Variants in ASTN2 observed in about 807,000 individuals in gnomAD.
ASTN2 encodes the protein astrotactin-2.
A neutral mutation model predicts 139.8 loss-of-function variants in ASTN2; 54 were observed. The ratio of observed to expected loss-of-function variants is 0.39; its 90% CI spans 0.31 to 0.48. The LOEUF is 0.48. Among genes scored for constraint, ASTN2 ranks in the 20% least tolerant of loss-of-function variants. ASTN2 has a pLI of 0.95. For synonymous variants in ASTN2, 756 were observed against 719.5 expected (o/e 1.05, Z -0.81); for missense variants, 1,565 against 1,725.1 (o/e 0.91, Z 1.64).
chr9:117,225,986 G>A, intron 2 of ASTN2, among the ~76,000 whole-genome samples: 1 of 152,136 alleles, frequency 6.6e-6, no homozygotes, highest in South Asian at 2.1e-4. Flanking sequence ...GTGGCAACAG[G>A]TAAGTAAGCA....
At chr9:117,005,991 C>T (rs919133328) in intron 7 of ASTN2, among the ~76,000 whole-genome samples, 4 of 152,130 alleles carry the variant, frequency 2.6e-5, no homozygotes, top group African/African-American at 9.7e-5. Flanking sequence ...GTCAGGCAGG[C>T]ATTAACTGCA....
At chr9:116,609,694 T>C (rs1016462753) in intron 19 of ASTN2, among the ~76,000 whole-genome samples, 11 of 151,760 alleles carry the variant, frequency 7.2e-5, no homozygotes, top group African/African-American at 2.7e-4. Flanking sequence ...CATGGGTAAA[T>C]ATATAAAATC....
intron 16 of ASTN2, among the ~76,000 whole-genome samples, chr9:116,693,279 T>G (rs937801897): frequency 1.3e-5 from 2 of 152,224 alleles, no homozygotes; most frequent in Non-Finnish European, 2.9e-5. Context: ...ATAAATTGCC[T>G]GCTTCCCCAC....
intron 5 of ASTN2, among the ~76,000 whole-genome samples, chr9:117,049,220 A>G (rs1228143649): frequency 6.6e-6 from 1 of 151,998 alleles, no homozygotes; most frequent in Non-Finnish European, 1.5e-5. Flanking sequence ...TGCCTCAAAG[A>G]GCTAGTGTAG....
chr9:116,925,864 A>ACC (rs1276510329), intron 10 of ASTN2, among the ~76,000 whole-genome samples: 6 of 38,464 alleles, frequency 1.6e-4, no homozygotes, highest in Non-Finnish European at 5.4e-4. Context: ...ACAACACAAC[A>ACC]CACACACACA....
At chr9:117,016,942 C>T (rs1837731488) in intron 6 of ASTN2, among the ~76,000 whole-genome samples, 1 of 151,306 alleles carries the variant, frequency 6.6e-6, no homozygotes, top group African/African-American at 2.4e-5. Context: ...TTCTGTCTTC[C>T]CTACCTCAGA....
chr9:117,345,299 G>C (rs1829181563), intron 1 of ASTN2, among the ~76,000 whole-genome samples: 2 of 152,104 alleles, frequency 1.3e-5, no homozygotes, highest in South Asian at 4.2e-4. Flanking sequence ...GCCTTCAGTA[G>C]AAAATAAAGA....
intron 7 of ASTN2, among the ~76,000 whole-genome samples, chr9:117,005,244 C>T (rs1443652529): frequency 1.1e-5 from 1 of 93,524 alleles, no homozygotes; most frequent in Non-Finnish European, 2.4e-5. Context: ...GCCACCAAGC[C>T]CAGCTATTTT....
At chr9:116,857,050 A>T (rs1171344740) in intron 11 of ASTN2, among the ~76,000 whole-genome samples, 1 of 152,148 alleles carries the variant, frequency 6.6e-6, no homozygotes, top group Non-Finnish European at 1.5e-5. Context: ...CCTACCAGAT[A>T]GTTTCATTTT....
At chr9:117,100,451 A>T (rs1828949349) in intron 4 of ASTN2, among the ~76,000 whole-genome samples, 1 of 152,238 alleles carries the variant, frequency 6.6e-6, no homozygotes, top group Non-Finnish European at 1.5e-5. Flanking sequence ...AATATGTTGC[A>T]TTTCACTCAG....
intron 3 of ASTN2, among the ~76,000 whole-genome samples, chr9:117,152,875 A>G (rs1454405442): frequency 2.6e-5 from 4 of 152,210 alleles, no homozygotes; most frequent in Non-Finnish European, 5.9e-5. Context: ...CAATCACAAT[A>G]ACACTAATAA....
chr9:117,188,168 GAGAGAGAGAGAGAGAGAGAGAGAGAC>G (rs1186635851), intron 3 of ASTN2, among the ~76,000 whole-genome samples: 184 of 119,700 alleles, frequency 1.5e-3, no homozygotes, highest in African/African-American at 5.0e-3. Flanking sequence ...CTGTGTGATA[GAGAGAGAGAGAGAGAGAGAGAGAGAC>G]AGAGAGAGAG....
intron 19 of ASTN2, among the ~76,000 whole-genome samples, chr9:116,606,935 C>T (rs1242924641): frequency 6.6e-6 from 1 of 152,120 alleles, no homozygotes. Flanking sequence ...TTTCATTAGG[C>T]TTGTATCCTC....
chr9:116,884,723 C>A (rs1216043371), intron 10 of ASTN2, among the ~76,000 whole-genome samples: 1 of 150,782 alleles, frequency 6.6e-6, no homozygotes, highest in Non-Finnish European at 1.5e-5. Flanking sequence ...GCGTTTTTGG[C>A]TTGTAGACAC....
At position 117,096,100 on chromosome 9, in the gene ASTN2, T is replaced by C. The variant is rs1466274133; in HGVS notation, c.1220A>G (p.Asp407Gly). ...AKGTSGSEAD[D>G]ETQLTFYTEQ... ...CGTGTAGAATGTCAGCTGAGTTTCA[T>C]CGTCTGCCTCTGAGCCCGACGTCCC... The change falls in exon 5 of 23, where the codon GAT (aspartate) becomes GGT (glycine). Residue 407 changes from aspartate to glycine, a missense_variant. Transcript: ENST00000313400. 1.9e-6 allele frequency: 3 copies of C among 1,614,130 alleles called. No individual in the cohort carries two copies. The South Asian group carries it at 3.3e-5, about 18-fold the overall frequency.
intron 10 of ASTN2, among the ~76,000 whole-genome samples, chr9:116,878,429 C>T (rs1025919171): frequency 2.6e-5 from 4 of 152,156 alleles, no homozygotes; most frequent in African/African-American, 7.2e-5. Context: ...AAGCCATTAT[C>T]CTCAGCAAAC....
At chr9:116,760,334 C>A (rs895837864) in intron 13 of ASTN2, among the ~76,000 whole-genome samples, 1 of 152,184 alleles carries the variant, frequency 6.6e-6, no homozygotes, top group Admixed American at 6.5e-5. Context: ...GTGGCACCAA[C>A]ACTTGGTGGC....
At position 117,230,185 on chromosome 9, in the gene ASTN2, GA is replaced by G. The variant is rs10636499; in HGVS notation, c.631-15444del. Among the ~76,000 whole-genome samples the G allele has an allele frequency of 2.7e-3, 372 of 139,212 alleles. 6 individuals are homozygous for G. The East Asian group carries it at 0.035, about 13-fold the overall frequency. 91.3% of individuals were successfully genotyped at this position (139,212 alleles called of 152,430 possible). ...CTGGGTGTGTGAATTTCTTCAGGCTGAAAAAAAAAAAATCACCCAAACTGAG... is the reference window on the plus strand; with the variant it reads ...CTGGGTGTGTGAATTTCTTCAGGCTGAAAAAAAAAAATCACCCAAACTGAG... On this transcript the variant is annotated intron_variant, in intron 2 of 22. Coordinates refer to ENST00000313400, the MANE Select transcript of ASTN2 (RefSeq NM_001365068.1).
At chr9:116,867,445 G>A (rs569155356) in intron 10 of ASTN2, among the ~76,000 whole-genome samples, 16 of 151,384 alleles carry the variant, frequency 1.1e-4, no homozygotes, top group Admixed American at 6.6e-4. Flanking sequence ...AGCTACTTGG[G>A]AGGCTGAGGC....
Sources: allele counts gnomAD v4.1 joint callset (sites outside exome capture counted in the v4.1 genomes callset), GRCh38; gene constraint gnomAD v4.1.1; transcripts MANE v1.5; gene names NCBI Gene and HGNC (gene_info 2026-07-23, HGNC 2026-07-21).